ATP13A2: variants seen among roughly 807,000 people sequenced by gnomAD.
ATP13A2 encodes the protein ATPase cation transporting 13A2.
Under a neutral mutation model 138.3 loss-of-function variants are expected in ATP13A2, and 83 were observed. The ratio of observed to expected loss-of-function variants is 0.60; its 90% CI spans 0.50 to 0.72. The LOEUF (loss-of-function observed/expected upper bound fraction) is 0.72, where lower values mean the gene tolerates loss of function less well. Among genes scored for constraint, ATP13A2 ranks in the 30% least tolerant of loss-of-function variants. ATP13A2 has a pLI of 0.00. For synonymous variants in ATP13A2, 663 were observed against 699.0 expected (o/e 0.95, Z 0.81); for missense variants, 1,402 against 1,606.4 (o/e 0.87, Z 2.17).
Position 16,993,674 on chromosome 1 carries a change from G to A in ATP13A2, c.1704C>T (p.Pro568=), listed in dbSNP as rs200868484. Residue 568 remains proline (P), a synonymous_variant, in exon 16 of 29, where the codon CCC becomes CCT. Coordinates refer to ENST00000326735, the MANE Select transcript of ATP13A2 (RefSeq NM_022089.4). ...TCTTCAAGTCCATGGGGTCGCCCAC[G>A]GGGGTGTCCTGGAGCCGGCTGAGGG... ...CHALSRLQDT[P]VGDPMDLKMV... is the part of the protein sequence containing the mutation. The A allele has an allele frequency of 1.1e-5, 18 of 1,596,486 alleles. No individual in the cohort carries two copies. The highest frequency in any genetic ancestry group is 2.3e-5 in the East Asian group (1 of 44,250).
chr1:16,986,599 G>A lies in ATP13A2; in HGVS notation c.3269C>T (p.Ser1090Phe). 5.6e-6 allele frequency: 9 copies of A among 1,610,980 alleles called. No individual in the cohort carries two copies. Among genetic ancestry groups the A allele is most frequent in the Non-Finnish European group, 7.6e-6 (9 of 1,179,628 alleles). ...PFLVALALLS[S>F]VLVGLVLVPG... Reference sequence around the variant, plus strand: ...GACCAGGACAAGGCCCACCAGGACGGAGCTCAGGAGCGCCAGGGCCACCAG... The same window carrying A: ...GACCAGGACAAGGCCCACCAGGACGAAGCTCAGGAGCGCCAGGGCCACCAG... Residue 1090 changes from serine to phenylalanine, a missense_variant, in exon 28 of 29, where the codon TCC becomes TTC. Transcript: ENST00000326735. This position sits in a 1 kb window ranked among gnomAD's most constrained non-coding sequence, Gnocchi z 6.9.
At chr1:17,005,584 G>A (rs1214772652) in intron 2 of ATP13A2, 28 bp from the exon 3 acceptor site, 2 of 1,614,192 alleles carry the variant, frequency 1.2e-6, no homozygotes, top group South Asian at 2.2e-5. Flanking sequence ...GAGGGCCCAG[G>A]TCGGGGTGGG....
rs2100857485 is a variant in ATP13A2, at chr1:16,995,187, ACT to A, written c.1542+787_1542+788del. Among the ~76,000 whole-genome samples, 1 of 152,106 alleles carries A rather than the reference ACT, an allele frequency of 6.6e-6. No homozygotes were observed. The highest frequency in any genetic ancestry group is 2.1e-4 in the South Asian group (1 of 4,818). ...CTTGCTTCTCCTCGACCTGCCCCTCACTGAGGTCACTGAGGGACCTGCTCAGG... is the reference window on the plus strand; with the variant it reads ...CTTGCTTCTCCTCGACCTGCCCCTCAGAGGTCACTGAGGGACCTGCTCAGG... On this transcript the variant is annotated intron_variant, in intron 15 of 28. Transcript: ENST00000326735. The surrounding 1 kb of genome is among the most constrained non-coding windows in gnomAD (Gnocchi z 4.1).
rs572266159 is a variant in ATP13A2 at position 17,004,659 on chromosome 1, C to T, written c.477+33G>A. The T allele has an allele frequency of 1.2e-5, 19 of 1,613,874 alleles. No individual in the cohort carries two copies. Among genetic ancestry groups the T allele is most frequent in the South Asian group, 2.2e-5 (2 of 91,066 alleles). On this transcript the variant is annotated intron_variant, in intron 5 of 28. Transcript: ENST00000326735. The surrounding 1 kb of genome is among the most constrained non-coding windows in gnomAD (Gnocchi z 4.1). ...ATTGCACAGATCATGAAACCGAGGC[C>T]GAGAGAGGGGCAAGGACTTTTTCAG... is the stretch of plus-strand genomic sequence containing the variant.
chr1:16,998,206 C>CT (rs1397499591), intron 11 of ATP13A2, among the ~76,000 whole-genome samples: 2 of 151,634 alleles, frequency 1.3e-5, no homozygotes, highest in African/African-American at 4.8e-5. Context: ...ACAATTACTA[C>CT]TTTTTTTTTG....
In ATP13A2 at chr1:17,011,009, G is replaced by T. The variant is rs971728264; in HGVS notation, c.10+720C>A. Reference sequence around the variant, plus strand: ...CCTCATTCCTTCCCCTCCCTCGCCGGGGGGTGCACTCTAGGCTGTGGGGCT... The same window carrying T: ...CCTCATTCCTTCCCCTCCCTCGCCGTGGGGTGCACTCTAGGCTGTGGGGCT... On this transcript the variant is annotated intron_variant, in intron 1 of 28. Transcript: ENST00000326735. The surrounding 1 kb of genome is among the most constrained non-coding windows in gnomAD (Gnocchi z 7.3). 6.6e-6 allele frequency among the ~76,000 whole-genome samples: 1 copy of T among 152,100 alleles called. No homozygotes were observed. The highest frequency in any genetic ancestry group is 1.5e-5 in the Non-Finnish European group (1 of 68,016).
At chr1:16,989,590 C>T in intron 23 of ATP13A2, 101 bp downstream of exon 23, 1 of 1,193,552 alleles carries the variant, frequency 8.4e-7, no homozygotes, top group Non-Finnish European at 1.2e-6. Context: ...TCTCTGGTGC[C>T]TGAGGAGGGA....
chr1:17,002,532 G>C (rs937224114), intron 6 of ATP13A2, among the ~76,000 whole-genome samples, 159 bp from the exon 7 acceptor site: 1 of 152,246 alleles, frequency 6.6e-6, no homozygotes, highest in Non-Finnish European at 1.5e-5. Context: ...CCAAGGCTTG[G>C]CTTTGCCCTT....
rs1390029341 is a variant in ATP13A2, at chr1:16,993,742, G to T, written c.1636C>A (p.Leu546Met). The T allele has an allele frequency of 1.3e-6, 2 of 1,591,716 alleles. No individual in the cohort carries two copies. The highest frequency in any genetic ancestry group is 2.3e-5 in the South Asian group (2 of 87,882). Residue 546 changes from leucine to methionine, a missense_variant, in exon 16 of 29, where the codon CTG becomes ATG. By Grantham distance (15) the Leu-to-Met change is conservative. Transcript: ENST00000326735. ...FLPLVPEPRR[L>M]PVGPLLRALA... is the part of the protein sequence containing the mutation. ...GCTCGGAGCAGGGGCCCCACAGGCA[G>T]GCGGCGAGGCTCTGGGACCAGGGGC...
intron 20 of ATP13A2, 96 bp from the exon 21 acceptor site, chr1:16,990,383 C>G (rs956016608): frequency 6.7e-7 from 1 of 1,500,534 alleles, no homozygotes; most frequent in Admixed American, 1.8e-5. Context: ...GGATGAAATC[C>G]GTCTGCCACC....
intron 12 of ATP13A2, 97 bp from the exon 13 acceptor site, chr1:16,996,593 G>C: frequency 1.0e-6 from 1 of 956,452 alleles, no homozygotes; most frequent in Non-Finnish European, 1.7e-6. Flanking sequence ...GGAGTTGCAA[G>C]ACATGATGTT....
intron 11 of ATP13A2, among the ~76,000 whole-genome samples, chr1:16,998,973 G>A (rs895060167): frequency 6.6e-6 from 1 of 152,150 alleles, no homozygotes; most frequent in African/African-American, 2.4e-5. Context: ...GGGAAGGGAA[G>A]GGGACTGTGG....
chr1:16,996,030 G>A lies in ATP13A2; in HGVS notation c.1488C>T (p.Ile496=). The A allele has an allele frequency of 6.2e-7, 1 of 1,614,088 alleles. No individual in the cohort carries two copies. The change falls in exon 15 of 29, where the codon ATC becomes ATT. Residue 496 remains isoleucine, a synonymous_variant. Coordinates refer to ENST00000326735, the MANE Select transcript of ATP13A2 (RefSeq NM_022089.4). The part of the protein sequence containing the change: ...SRLRRQGIFC[I]HPLRINLGGK... ...CCCCCAGGTTGATGCGCAGTGGGTG[G>A]ATGCAGAAAATGCCCTGTCTCCGCA...
intron 20 of ATP13A2, 63 bp downstream of exon 20, chr1:16,991,670 CT>C (rs1557679767): frequency 8.1e-6 from 13 of 1,612,820 alleles, no homozygotes; most frequent in Non-Finnish European, 1.0e-5. Flanking sequence ...CCTGGTGCCC[CT>C]CTTCTCTGCC....
chr1:16,997,606 C>T (rs1329255089), intron 11 of ATP13A2, among the ~76,000 whole-genome samples: 1 of 152,142 alleles, frequency 6.6e-6, no homozygotes, highest in African/African-American at 2.4e-5. Context: ...CTTTGGGAGG[C>T]TGAGGTGGGC....
In ATP13A2 at chr1:17,004,199, A is replaced by G. The variant is rs2077466551; in HGVS notation, c.557+133T>C. 1 of 923,714 alleles carries G rather than the reference A, an allele frequency of 1.1e-6. No homozygotes were observed. The highest frequency in any genetic ancestry group is 1.6e-5 in the African/African-American group (1 of 60,926). 57.2% of individuals were successfully genotyped at this position (923,714 alleles called of 1,614,324 possible). ...GATCCCAGGCCTGGAGGGGCTCAGT[A>G]ACCTGCCCAAGGTTTCAGACAGCAA... is the stretch of plus-strand genomic sequence containing the variant. On this transcript the variant is annotated intron_variant, in intron 6 of 28. Coordinates refer to ENST00000326735, the MANE Select transcript of ATP13A2 (RefSeq NM_022089.4). The surrounding 1 kb of genome is among the most constrained non-coding windows in gnomAD (Gnocchi z 4.1).
At chr1:17,008,957 CA>C (rs59927720) in intron 1 of ATP13A2, among the ~76,000 whole-genome samples, 30,829 of 111,440 alleles carry the variant, frequency 0.28, 3,529 homozygotes, top group East Asian at 0.55. Flanking sequence ...GAGCAAGACT[CA>C]AAAAAAAAAA....
At chr1:17,010,656 T>C (rs1401984342) in intron 1 of ATP13A2, among the ~76,000 whole-genome samples, 1 of 152,162 alleles carries the variant, frequency 6.6e-6, no homozygotes, top group African/African-American at 2.4e-5. Context: ...AGGATTCCCA[T>C]TTAAAACGAG....
Position 16,992,327 on chromosome 1 carries a change from C to T in ATP13A2, c.1921G>A (p.Val641Met). ...SSALQRMSVV[V>M]AWPGATQPEA... ...GGCTGAGTGGCCCCTGGCCACGCCA[C>T]CACCACACTCATGCGCTGCAGAGCC... The change falls in exon 18 of 29, where the codon GTG becomes ATG. Residue 641 changes from valine to methionine, a missense_variant. Val to Met is a conservative substitution (Grantham distance 21, BLOSUM62 1). Transcript: ENST00000326735. The T allele has an allele frequency of 6.2e-7, 1 of 1,612,846 alleles. No homozygotes were observed. Among genetic ancestry groups the T allele is most frequent in the Non-Finnish European group, 8.5e-7 (1 of 1,179,804 alleles).
Sources: allele counts gnomAD v4.1 joint callset (sites outside exome capture counted in the v4.1 genomes callset), GRCh38; gene constraint gnomAD v4.1.1; non-coding constraint Gnocchi (gnomAD v3.1); transcripts MANE v1.5; gene names NCBI Gene and HGNC (gene_info 2026-07-23, HGNC 2026-07-21).